The following LOXHD1 variants were observed in gnomAD, a reference collection of about 807,000 sequenced individuals.
LOXHD1 encodes the protein lipoxygenase homology PLAT domains 1.
LOXHD1 carries 205 observed loss-of-function variants against 248.2 expected under a neutral mutation model. The observed-to-expected ratio is 0.83, with a 90% confidence interval of 0.74 to 0.93. The LOEUF (loss-of-function observed/expected upper bound fraction) is 0.93. Ranked by LOEUF, LOXHD1 falls within the 40% of genes least tolerant of loss-of-function variation. The pLI is 0.00. For missense variants in LOXHD1, 2,930 were observed against 2,971.6 expected (o/e 0.99, Z 0.33); for synonymous variants, 1,113 against 1,162.8 (o/e 0.96, Z 0.87).
At chr18:46,496,376 C>T (rs1226449429) in intron 37 of LOXHD1, among the ~76,000 whole-genome samples, 1 of 152,168 alleles carries the variant, frequency 6.6e-6, no homozygotes, top group East Asian at 1.9e-4. Flanking sequence ...AAGATTGCTA[C>T]ACTTTAAGTT....
At chr18:46,559,419 C>G (rs2037460844) in intron 20 of LOXHD1, 29 bp downstream of exon 20, 1 of 1,551,750 alleles carries the variant, frequency 6.4e-7, no homozygotes, top group African/African-American at 1.4e-5. Flanking sequence ...CCACAGCCCC[C>G]ACCCAGGGGC....
At chr18:46,537,116 C>T (rs2036346955) in intron 26 of LOXHD1, among the ~76,000 whole-genome samples, 1 of 152,190 alleles carries the variant, frequency 6.6e-6, no homozygotes, top group Non-Finnish European at 1.5e-5. Flanking sequence ...GCTAATGCCC[C>T]CTTTCAGATC....
At chr18:46,593,378 G>A (rs1349708465) in intron 10 of LOXHD1, among the ~76,000 whole-genome samples, 1 of 152,152 alleles carries the variant, frequency 6.6e-6, no homozygotes, top group African/African-American at 2.4e-5. Flanking sequence ...GTTCTGGACT[G>A]TTTGATTCAG....
rs997971610 is a variant in LOXHD1, at chr18:46,477,580, C to T, written c.6714G>A (p.Glu2238=). ...YCSGWLVEKV[E]VTNTSTGVAT... is the part of the protein sequence containing the mutation. ...CCACGCCGGTGCTGGTGTTGGTGAC[C>T]TCCACCTTCTCCACCAGCCAGCCTG... The change falls in exon 41 of 41, where the codon GAG becomes GAA. Residue 2238 remains glutamate, a synonymous_variant. Transcript: ENST00000642948. The T allele has an allele frequency of 1.3e-6, 2 of 1,551,752 alleles. No homozygotes were observed. Among genetic ancestry groups the T allele is most frequent in the African/African-American group, 1.4e-5 (1 of 73,198 alleles).
intron 28 of LOXHD1, 84 bp from the exon 29 acceptor site, chr18:46,529,415 G>A: frequency 6.9e-7 from 1 of 1,447,594 alleles, no homozygotes. Context: ...GGATTTGTAG[G>A]AGGTGCTAAG....
At chr18:46,479,777 C>CA (rs1323127321) in intron 40 of LOXHD1, among the ~76,000 whole-genome samples, 1,774 of 123,936 alleles carry the variant, frequency 0.014, 28 homozygotes, top group African/African-American at 0.017. Context: ...AAAAAAAAAA[C>CA]AAAAAAAAAA....
At chr18:46,502,959 C>A (rs190886580) in intron 37 of LOXHD1, among the ~76,000 whole-genome samples, 3 of 152,254 alleles carry the variant, frequency 2.0e-5, no homozygotes, top group Admixed American at 2.0e-4. Flanking sequence ...TGGGTCTCTG[C>A]TATTTCTGAG....
rs150139569 is a variant in LOXHD1 at position 46,560,556 on chromosome 18, G to A, written c.2599-11C>T. 1,578 of 1,517,642 alleles carry A rather than the reference G, an allele frequency of 1.0e-3. 20 individuals carry two copies. The African/African-American group carries it at 0.018, about 17-fold the overall frequency. 94.0% of individuals were successfully genotyped at this position (1,517,642 alleles called of 1,614,324 possible). A position where few individuals can be genotyped will look rare whatever the true frequency, so the allele number is the denominator to read the frequency against. On this transcript the variant is annotated splice_polypyrimidine_tract_variant and intron_variant, in intron 18 of 40. Transcript: ENST00000642948. ...GTCGGCCGCCTCAAGCTGTTCAAAG[G>A]GCAGGGCAGCGGCTGTCGTGGCCCC...
At chr18:46,589,142 G>A (rs2038117776) in intron 12 of LOXHD1, among the ~76,000 whole-genome samples, 1 of 152,198 alleles carries the variant, frequency 6.6e-6, no homozygotes, top group South Asian at 2.1e-4. Flanking sequence ...TCTCATGAAT[G>A]CAGGTTGTTG....
chr18:46,525,367 G>A (rs1225584029), intron 29 of LOXHD1, among the ~76,000 whole-genome samples: 4 of 152,132 alleles, frequency 2.6e-5, no homozygotes, highest in Admixed American at 6.5e-5. Context: ...TCTGAGTAAC[G>A]GGAGGGGGTT....
At chr18:46,616,525 G>T (rs553184084) in intron 5 of LOXHD1, among the ~76,000 whole-genome samples, 1 of 152,264 alleles carries the variant, frequency 6.6e-6, no homozygotes, top group Admixed American at 6.5e-5. Flanking sequence ...TATAGTCAAT[G>T]CTTGCTTAGA....
chr18:46,523,348 C>T (rs1239811791), intron 31 of LOXHD1, among the ~76,000 whole-genome samples: 1 of 152,132 alleles, frequency 6.6e-6, no homozygotes, highest in Non-Finnish European at 1.5e-5. Context: ...ATGGCTGGAG[C>T]TCCAGCATTC....
chr18:46,559,365 T>A, intron 20 of LOXHD1, 83 bp downstream of exon 20: 1 of 1,550,032 alleles, frequency 6.5e-7, no homozygotes, highest in Non-Finnish European at 8.7e-7. Context: ...CAGCAGCCAT[T>A]GTGCTGCGAT....
Position 46,524,756 on chromosome 18 carries a change from G to C in LOXHD1, c.4692C>G (p.Leu1564=), listed in dbSNP as rs1282100188. ...DEFLFLCGRW[L]SLKKEDGRLE... is the part of the protein sequence containing the mutation. ...GTCGCCCATCCTCCTTCTTCAGGGA[G>C]AGCCAGCGCCCGCATAGGAACAGGA... The change falls in exon 30 of 41, where the codon CTC becomes CTG. Residue 1564 remains leucine (L), a synonymous_variant. Transcript: ENST00000642948. 1 of 1,551,754 alleles carries C rather than the reference G, an allele frequency of 6.4e-7. No individual in the cohort carries two copies. Among genetic ancestry groups the C allele is most frequent in the East Asian group, 2.4e-5 (1 of 40,916 alleles).
At chr18:46,552,755 G>T (rs1301860075) in intron 21 of LOXHD1, among the ~76,000 whole-genome samples, 1 of 152,192 alleles carries the variant, frequency 6.6e-6, no homozygotes, top group Non-Finnish European at 1.5e-5. Context: ...AAGCCTGGGT[G>T]TGTTTTCAAG....
intron 25 of LOXHD1, among the ~76,000 whole-genome samples, chr18:46,539,547 C>T (rs766806635): frequency 6.6e-6 from 1 of 152,068 alleles, no homozygotes; most frequent in African/African-American, 2.4e-5. Flanking sequence ...ATACTTTATA[C>T]TAAAGTTTGA....
At chr18:46,562,351 G>GC (rs1448544256) in intron 18 of LOXHD1, among the ~76,000 whole-genome samples, 1 of 152,226 alleles carries the variant, frequency 6.6e-6, no homozygotes, top group African/African-American at 2.4e-5. Flanking sequence ...TGAACATGCT[G>GC]CCTGCACACA....
At chr18:46,536,773 G>A (rs1162610483) in intron 26 of LOXHD1, among the ~76,000 whole-genome samples, 3 of 152,214 alleles carry the variant, frequency 2.0e-5, no homozygotes, top group African/African-American at 7.2e-5. Context: ...CTGCTCCAGA[G>A]AAGGTGGGAA....
chr18:46,635,030 C>T (rs1467346107), intron 4 of LOXHD1, among the ~76,000 whole-genome samples: 2 of 151,990 alleles, frequency 1.3e-5, no homozygotes, highest in South Asian at 4.2e-4. Context: ...TGCTAATGGT[C>T]CCCTGTCTGG....
Sources: gnomAD v4.1 joint callset for allele counts (sites outside exome capture counted in the v4.1 genomes callset) on GRCh38, gnomAD v4.1.1 for gene constraint, MANE v1.5 for transcripts, NCBI Gene and HGNC (gene_info 2026-07-23, HGNC 2026-07-21) for gene names.